DRC11: variants seen among roughly 807,000 people sequenced by gnomAD.
The protein encoded by DRC11 is IQ and AAA domain-containing protein 1.
the DRC11 span, among the ~76,000 whole-genome samples, chr2:236,463,801 G>A: frequency 5.3e-5 from 8 of 152,302 alleles, no homozygotes; most frequent in East Asian, 1.4e-3. This position sits in a 1 kb window ranked among gnomAD's most constrained non-coding sequence, Gnocchi z 5.0. Flanking sequence ...AACCAGATGT[G>A]GCTCAGCTGG....
At chr2:236,363,487 G>A in the DRC11 span, among the ~76,000 whole-genome samples, 4 of 152,196 alleles carry the variant, frequency 2.6e-5, no homozygotes, top group Non-Finnish European at 5.9e-5. The surrounding 1 kb of genome is among the most constrained non-coding windows in gnomAD (Gnocchi z 5.6). Flanking sequence ...GAGGTGGGCC[G>A]AGCAAAGAAA....
the DRC11 span, among the ~76,000 whole-genome samples, chr2:236,323,670 G>A: frequency 6.6e-5 from 10 of 152,186 alleles, no homozygotes; most frequent in Admixed American, 6.5e-4. This position sits in a 1 kb window ranked among gnomAD's most constrained non-coding sequence, Gnocchi z 6.4. Flanking sequence ...TATGCAGTGT[G>A]AGATTTTATG....
chr2:236,392,552 TAAAAAAAG>T, the DRC11 span, among the ~76,000 whole-genome samples: 2 of 151,994 alleles, frequency 1.3e-5, no homozygotes, highest in African/African-American at 4.8e-5. This position sits in a 1 kb window ranked among gnomAD's most constrained non-coding sequence, Gnocchi z 5.1. Context: ...GTAAATGCAC[TAAAAAAAG>T]AAAAAAAACT....
At chr2:236,323,710 G>A in the DRC11 span, among the ~76,000 whole-genome samples, 1 of 152,176 alleles carries the variant, frequency 6.6e-6, no homozygotes, top group African/African-American at 2.4e-5. This position sits in a 1 kb window ranked among gnomAD's most constrained non-coding sequence, Gnocchi z 6.4. Flanking sequence ...CAAACTGTCA[G>A]ACAAGGTATT....
At chr2:236,365,993 G>A in the DRC11 span, among the ~76,000 whole-genome samples, 1 of 152,142 alleles carries the variant, frequency 6.6e-6, no homozygotes, top group African/African-American at 2.4e-5. This position sits in a 1 kb window ranked among gnomAD's most constrained non-coding sequence, Gnocchi z 7.4. Context: ...CTAGCCCTGT[G>A]ACTCCAAGGA....
the DRC11 span, among the ~76,000 whole-genome samples, chr2:236,343,249 C>T: frequency 6.6e-6 from 1 of 152,182 alleles, no homozygotes; most frequent in Non-Finnish European, 1.5e-5. The surrounding 1 kb of genome is among the most constrained non-coding windows in gnomAD (Gnocchi z 6.6). Flanking sequence ...GCTCCTTCCC[C>T]AGTGCTCCTC....
At chr2:236,416,146 C>T in the DRC11 span, among the ~76,000 whole-genome samples, 1 of 151,960 alleles carries the variant, frequency 6.6e-6, no homozygotes, top group Admixed American at 6.6e-5. Flanking sequence ...AGGGAAGCAG[C>T]CCTGGGCAGA....
the DRC11 span, among the ~76,000 whole-genome samples, chr2:236,491,139 ACAG>A: frequency 0.2 from 20,818 of 103,496 alleles, 3,233 homozygotes; most frequent in Middle Eastern, 0.26. Context: ...ATATATATAT[ACAG>A]TATATATATA....
At chr2:236,427,731 A>G in the DRC11 span, among the ~76,000 whole-genome samples, 1 of 151,596 alleles carries the variant, frequency 6.6e-6, no homozygotes, top group Non-Finnish European at 1.5e-5. The surrounding 1 kb of genome is among the most constrained non-coding windows in gnomAD (Gnocchi z 5.9). Context: ...GCTCCATTTC[A>G]TTTATTTTTG....
At chr2:236,436,808 T>C in the DRC11 span, among the ~76,000 whole-genome samples, 1 of 152,196 alleles carries the variant, frequency 6.6e-6, no homozygotes. Flanking sequence ...AGAATATTTG[T>C]CCAACAAATG....
the DRC11 span, among the ~76,000 whole-genome samples, chr2:236,357,611 TTA>T: frequency 6.4e-5 from 8 of 124,340 alleles, no homozygotes; most frequent in African/African-American, 2.6e-4. Context: ...AAATATATAT[TTA>T]TAAATATATA....
the DRC11 span, among the ~76,000 whole-genome samples, chr2:236,377,472 A>G: frequency 1.3e-5 from 2 of 152,212 alleles, no homozygotes; most frequent in Admixed American, 6.5e-5. This position sits in a 1 kb window ranked among gnomAD's most constrained non-coding sequence, Gnocchi z 4.9. Flanking sequence ...CTGCCCTTCC[A>G]TCAGTCTTCA....
At chr2:236,356,906 T>C in the DRC11 span, among the ~76,000 whole-genome samples, 3 of 128,454 alleles carry the variant, frequency 2.3e-5, no homozygotes, top group African/African-American at 9.9e-5. Flanking sequence ...TATGTATATT[T>C]ATATATTATA....
At chr2:236,443,750 C>A in the DRC11 span, among the ~76,000 whole-genome samples, 1 of 152,176 alleles carries the variant, frequency 6.6e-6, no homozygotes, top group Non-Finnish European at 1.5e-5. The surrounding 1 kb of genome is among the most constrained non-coding windows in gnomAD (Gnocchi z 4.4). Context: ...AATGGGATTG[C>A]TAGGTCAAAT....
the DRC11 span, among the ~76,000 whole-genome samples, chr2:236,337,495 G>A: frequency 1.3e-5 from 2 of 152,184 alleles, no homozygotes; most frequent in African/African-American, 4.8e-5. The surrounding 1 kb of genome is among the most constrained non-coding windows in gnomAD (Gnocchi z 4.9). Context: ...CCTGTGGCGT[G>A]AACCGTTCTC....
the DRC11 span, among the ~76,000 whole-genome samples, chr2:236,406,306 T>G: frequency 6.6e-6 from 1 of 152,220 alleles, no homozygotes; most frequent in East Asian, 1.9e-4. This position sits in a 1 kb window ranked among gnomAD's most constrained non-coding sequence, Gnocchi z 4.7. Flanking sequence ...CTGCCTGGCT[T>G]AAAGAGCGAT....
chr2:236,431,389 G>A, the DRC11 span, among the ~76,000 whole-genome samples: 4 of 152,166 alleles, frequency 2.6e-5, no homozygotes, highest in African/African-American at 7.2e-5. This position sits in a 1 kb window ranked among gnomAD's most constrained non-coding sequence, Gnocchi z 4.2. Flanking sequence ...GGAGAGAGAA[G>A]TGCCGAGCAA....
the DRC11 span, among the ~76,000 whole-genome samples, chr2:236,498,193 C>A: frequency 6.6e-6 from 1 of 151,290 alleles, no homozygotes; most frequent in African/African-American, 2.4e-5. Context: ...GCAGGCCAGG[C>A]GTGGTGGCTC....
At chr2:236,390,652 C>A in the DRC11 span, among the ~76,000 whole-genome samples, 1 of 152,060 alleles carries the variant, frequency 6.6e-6, no homozygotes, top group Non-Finnish European at 1.5e-5. The surrounding 1 kb of genome is among the most constrained non-coding windows in gnomAD (Gnocchi z 5.9). Flanking sequence ...GTGGGTGGGC[C>A]CACAAAAATA....
Sources: allele counts gnomAD v4.1 joint callset (sites outside exome capture counted in the v4.1 genomes callset), GRCh38; gene constraint gnomAD v4.1.1; non-coding constraint Gnocchi (gnomAD v3.1); transcripts MANE v1.5; gene names NCBI Gene and HGNC (gene_info 2026-07-23, HGNC 2026-07-21).